The following PUDP variants were observed in gnomAD, a reference collection of about 807,000 sequenced individuals.
The protein encoded by PUDP is pseudouridine-5'-phosphatase.
A neutral mutation model predicts 9.4 loss-of-function variants in PUDP; 8 were observed. The observed-to-expected ratio is 0.85, with a 90% CI of 0.50 to 1.53. The LOEUF (loss-of-function observed/expected upper bound fraction) is 1.53, where lower values mean the gene tolerates loss of function less well. Ranked by LOEUF, PUDP falls within the 40% of genes most tolerant of loss-of-function variation. The pLI is 0.00. For missense variants in PUDP, 188 were observed against 189.7 expected, an observed-to-expected ratio of 0.99 and a Z score of 0.05; for synonymous variants, 99 against 80.7, an observed-to-expected ratio of 1.23 and a Z score of -1.22.
At chrX:6,837,474 G>A (rs185985384) in intron 3 of PUDP, among the ~76,000 whole-genome samples, 54 of 112,915 alleles carry the variant, frequency 4.8e-4, no homozygotes, top group Non-Finnish European at 8.1e-4. Flanking sequence ...ATGGCCTACC[G>A]TTAGCAAATT....
intron 3 of PUDP, among the ~76,000 whole-genome samples, chrX:6,846,282 A>G (rs1266633665): frequency 9.1e-6 from 1 of 109,987 alleles, no homozygotes; most frequent in Non-Finnish European, 1.9e-5. Flanking sequence ...GCGAGCGCCT[A>G]TAGTCCCAGC....
intron 1 of PUDP, among the ~76,000 whole-genome samples, chrX:6,995,745 T>TA: frequency 9.3e-6 from 1 of 107,646 alleles, no homozygotes; most frequent in East Asian, 2.9e-4. Flanking sequence ...AAAATAAAAA[T>TA]AAAAATATGA....
intron 3 of PUDP, among the ~76,000 whole-genome samples, chrX:6,912,768 C>T (rs763330023): frequency 2.7e-5 from 3 of 112,293 alleles, no homozygotes; most frequent in Non-Finnish European, 5.6e-5. Flanking sequence ...CACACATTTT[C>T]ATTTTAGAGA....
At chrX:7,141,114 C>G (rs745441158) in intron 1 of PUDP, among the ~76,000 whole-genome samples, 22 of 111,998 alleles carry the variant, frequency 2.0e-4, no homozygotes, top group African/African-American at 6.8e-4. Context: ...AATAACCCTA[C>G]AATGGCCTCT....
chrX:7,021,338 T>C (rs997346147), intron 1 of PUDP, among the ~76,000 whole-genome samples: 2 of 111,671 alleles, frequency 1.8e-5, no homozygotes, highest in African/African-American at 6.5e-5. Flanking sequence ...GACCTGAAAG[T>C]AATTGGAAGA....
chrX:7,072,824 A>C (rs1181436104), intron 3 of PUDP, among the ~76,000 whole-genome samples: 1 of 109,645 alleles, frequency 9.1e-6, no homozygotes, highest in Non-Finnish European at 1.9e-5. Context: ...AAAAAAAAAA[A>C]AAAAAAACAA....
rs182466089 is a variant in PUDP, at chrX:6,739,320, C to T, written c.*248-32854G>A. ...TAGGAAGCTGCAGTGACCTAGAAGC[C>T]ATCAAGGACAATTTCCTGAAAGGGG... On this transcript the variant is annotated intron_variant and NMD_transcript_variant, in intron 3 of 3. Coordinates refer to the PUDP transcript ENST00000655425. Among the ~76,000 whole-genome samples the T allele has an allele frequency of 7.1e-5, 8 of 111,906 alleles. No homozygotes were observed. In the East Asian group the frequency reaches 2.3e-3, roughly 32 times the overall value.
In PUDP at chrX:7,042,689, G is replaced by A. The variant is rs762185638; in HGVS notation, c.204+34531C>T. ...GGGGTAGACATCAAAGAGTAGAATT[G>A]CTGGGTTGTATGATGAATCTGTGTT... On this transcript the variant is annotated intron_variant and NMD_transcript_variant, in intron 1 of 3. Coordinates refer to the PUDP transcript ENST00000655425. Among the ~76,000 whole-genome samples, 3 of 110,547 alleles carry A rather than the reference G, an allele frequency of 2.7e-5. No homozygotes were observed. In the South Asian group the frequency reaches 1.2e-3, roughly 43 times the overall value.
chrX:6,958,317 T>C (rs1337440989), intron 3 of PUDP, among the ~76,000 whole-genome samples: 1 of 112,054 alleles, frequency 8.9e-6, no homozygotes, highest in Non-Finnish European at 1.9e-5. Context: ...GAGCAGGCTA[T>C]GACCTAATGC....
intron 1 of PUDP, among the ~76,000 whole-genome samples, chrX:7,036,018 C>T (rs1443269997): frequency 8.9e-6 from 1 of 112,014 alleles, no homozygotes; most frequent in Admixed American, 9.5e-5. Context: ...CTCATGTAAT[C>T]TCTGCACATG....
At chrX:6,999,963 C>T (rs924881976) in intron 1 of PUDP, among the ~76,000 whole-genome samples, 1 of 110,318 alleles carries the variant, frequency 9.1e-6, no homozygotes, top group Non-Finnish European at 1.9e-5. Flanking sequence ...TGTAGAGATT[C>T]GAGGTGAAAA....
rs147585173 is a variant in PUDP at position 6,851,468 on chromosome X, G to A, written c.*247+125665C>T. On this transcript the variant is annotated intron_variant and NMD_transcript_variant, in intron 3 of 3. Coordinates refer to the PUDP transcript ENST00000655425. ...ATTATAATTTTTCCTTGGTGGGGTGGGATGAAAGAGAGGAAGATGGAGAGA... is the reference window on the plus strand; with the variant it reads ...ATTATAATTTTTCCTTGGTGGGGTGAGATGAAAGAGAGGAAGATGGAGAGA... Among the ~76,000 whole-genome samples, 433 of 110,955 alleles carry A rather than the reference G, an allele frequency of 3.9e-3. 5 individuals carry two copies. The highest frequency in any genetic ancestry group is 0.014 in the African/African-American group (415 of 30,551).
chrX:6,890,935 CAAAAAAAAAAAAA>C (rs764486249), intron 3 of PUDP, among the ~76,000 whole-genome samples: 6 of 33,147 alleles, frequency 1.8e-4, no homozygotes, highest in African/African-American at 7.4e-4. Flanking sequence ...CTCATCTCTC[CAAAAAAAAAAAAA>C]AAAAAAAAAA....
intron 1 of PUDP, among the ~76,000 whole-genome samples, chrX:6,980,073 TTTCTC>T (rs1328402070): frequency 2.8e-5 from 3 of 108,909 alleles, no homozygotes; most frequent in Admixed American, 9.9e-5. Context: ...TCTTTTCTCA[TTTCTC>T]TTCTCTTCTC....
chrX:6,897,082 A>G (rs1290243031), intron 3 of PUDP, among the ~76,000 whole-genome samples: 2 of 111,253 alleles, frequency 1.8e-5, no homozygotes, highest in African/African-American at 6.5e-5. Context: ...CCCGGGACAG[A>G]CCCATTGCTT....
chrX:6,951,634 A>T (rs946795809), intron 3 of PUDP, among the ~76,000 whole-genome samples: 1 of 111,864 alleles, frequency 8.9e-6, no homozygotes, highest in African/African-American at 3.3e-5. Context: ...CAGCTCAGCC[A>T]GGCATAAATG....
intron 3 of PUDP, among the ~76,000 whole-genome samples, chrX:6,929,178 AAAC>A (rs1220764350): frequency 8.9e-6 from 1 of 112,653 alleles, no homozygotes; most frequent in Non-Finnish European, 1.9e-5. Flanking sequence ...AATGTCAGAT[AAAC>A]AACTGTCAAT....
intron 3 of PUDP, among the ~76,000 whole-genome samples, chrX:6,898,085 T>C (rs1243888891): frequency 1.8e-5 from 2 of 112,133 alleles, no homozygotes; most frequent in Non-Finnish European, 3.8e-5. Flanking sequence ...GAGAAGACCC[T>C]GTGTCTTCCT....
chrX:6,940,402 G>A (rs775640881), intron 3 of PUDP, among the ~76,000 whole-genome samples: 1 of 112,498 alleles, frequency 8.9e-6, no homozygotes, highest in East Asian at 2.8e-4. Flanking sequence ...CCTAGTTTGA[G>A]GCAATTACAG....
Sources: allele counts gnomAD v4.1 joint callset (sites outside exome capture counted in the v4.1 genomes callset), GRCh38; gene constraint gnomAD v4.1.1; transcripts MANE v1.5; gene names NCBI Gene and HGNC (gene_info 2026-07-23, HGNC 2026-07-21).